NEMP2: variants seen among roughly 807,000 people sequenced by gnomAD.
NEMP2 encodes UPF0571 transmembrane protein.
In NEMP2, 53 loss-of-function variants were observed where a neutral mutation model predicts 54.2. That is an observed-to-expected ratio of 0.98 (90% CI 0.78 to 1.23). NEMP2 has a LOEUF of 1.23. Ranked by LOEUF, NEMP2 falls within the 50% of genes most tolerant of loss-of-function variation. NEMP2 has a pLI of 0.00. For missense variants in NEMP2, 455 were observed against 511.3 expected (o/e 0.89, Z 1.06); for synonymous variants, 197 against 190.3 (o/e 1.04, Z -0.29).
chr2:190,449,902 A>G, the NEMP2 span, among the ~76,000 whole-genome samples: 1 of 152,184 alleles, frequency 6.6e-6, no homozygotes, highest in Admixed American at 6.6e-5. Flanking sequence ...TTTAGGAGAT[A>G]TACCTAATGC....
the NEMP2 span, among the ~76,000 whole-genome samples, chr2:190,450,042 AAAAG>A: frequency 3.9e-4 from 59 of 152,140 alleles, no homozygotes; most frequent in African/African-American, 6.3e-4. Flanking sequence ...AAAAAAAAGA[AAAAG>A]AAATCAAGAT....
chr2:190,645,279 T>C, the NEMP2 span, among the ~76,000 whole-genome samples: 1 of 152,194 alleles, frequency 6.6e-6, no homozygotes, highest in Non-Finnish European at 1.5e-5. Flanking sequence ...TTGATATATT[T>C]CTCATACCAC....
At chr2:190,603,564 G>A in the NEMP2 span, among the ~76,000 whole-genome samples, 1 of 146,794 alleles carries the variant, frequency 6.8e-6, no homozygotes, top group Non-Finnish European at 1.5e-5. Flanking sequence ...TCCTACTCCT[G>A]GGGCAGTGTC....
At chr2:190,500,301 C>G, downstream of NEMP2, 1 of 1,464,420 alleles carries the variant, frequency 6.8e-7, no homozygotes, top group Non-Finnish European at 9.4e-7. This position sits in a 1 kb window ranked among gnomAD's most constrained non-coding sequence, Gnocchi z 5.3. Flanking sequence ...CCAGGATATG[C>G]CTCCCCTGGA....
chr2:190,565,275 A>G, the NEMP2 span, among the ~76,000 whole-genome samples: 1 of 152,224 alleles, frequency 6.6e-6, no homozygotes, highest in African/African-American at 2.4e-5. Context: ...GCAAGTCTGC[A>G]CTGGGAATGG....
the NEMP2 span, among the ~76,000 whole-genome samples, chr2:190,597,760 T>C: frequency 5.3e-5 from 8 of 152,148 alleles, no homozygotes; most frequent in Non-Finnish European, 7.4e-5. The surrounding 1 kb of genome is among the most constrained non-coding windows in gnomAD (Gnocchi z 4.7). Flanking sequence ...AGAACTTTTA[T>C]TTGAGGAGAT....
chr2:190,609,748 G>A, the NEMP2 span: 1 of 152,172 alleles, frequency 6.6e-6, no homozygotes, highest in Non-Finnish European at 1.5e-5. This position sits in a 1 kb window ranked among gnomAD's most constrained non-coding sequence, Gnocchi z 4.7. Flanking sequence ...TTTATCACAA[G>A]ATCATAGGGA....
chr2:190,556,890 G>A, the NEMP2 span, among the ~76,000 whole-genome samples: 1 of 152,132 alleles, frequency 6.6e-6, no homozygotes, highest in African/African-American at 2.4e-5. Context: ...CATGAAAATG[G>A]CCATACTGCC....
downstream of NEMP2, among the ~76,000 whole-genome samples, chr2:190,503,397 CT>C (rs1690100351): frequency 6.6e-6 from 1 of 152,166 alleles, no homozygotes; most frequent in African/African-American, 2.4e-5. The surrounding 1 kb of genome is among the most constrained non-coding windows in gnomAD (Gnocchi z 6.3). Flanking sequence ...TATTAAACAA[CT>C]GACATGTGGC....
chr2:190,499,093 A>G, the NEMP2 span, among the ~76,000 whole-genome samples: 1 of 152,242 alleles, frequency 6.6e-6, no homozygotes, highest in Non-Finnish European at 1.5e-5. The surrounding 1 kb of genome is among the most constrained non-coding windows in gnomAD (Gnocchi z 6.0). Context: ...GGTTGCAGTG[A>G]GCCAAGGTCA....
chr2:190,451,682 T>C, the NEMP2 span, among the ~76,000 whole-genome samples: 1 of 152,208 alleles, frequency 6.6e-6, no homozygotes, highest in East Asian at 1.9e-4. This position sits in a 1 kb window ranked among gnomAD's most constrained non-coding sequence, Gnocchi z 5.0. Flanking sequence ...AGCAGAGTCC[T>C]GAATGGAAGC....
At chr2:190,618,631 G>A in the NEMP2 span, among the ~76,000 whole-genome samples, 3 of 152,306 alleles carry the variant, frequency 2.0e-5, no homozygotes, top group African/African-American at 4.8e-5. Context: ...TCAGGCCAGA[G>A]TACAGTGGCA....
At chr2:190,422,984 A>G in the NEMP2 span, among the ~76,000 whole-genome samples, 1 of 152,176 alleles carries the variant, frequency 6.6e-6, no homozygotes, top group Non-Finnish European at 1.5e-5. Context: ...GCCCTAGATA[A>G]GAAAATACAT....
At chr2:190,422,190 C>T in the NEMP2 span, among the ~76,000 whole-genome samples, 3 of 152,282 alleles carry the variant, frequency 2.0e-5, no homozygotes, top group East Asian at 5.8e-4. Flanking sequence ...AATGTTTCAC[C>T]AGCCATCTAA....
the NEMP2 span, among the ~76,000 whole-genome samples, chr2:190,622,825 T>C: frequency 6.6e-6 from 1 of 151,962 alleles, no homozygotes; most frequent in African/African-American, 2.4e-5. Context: ...AACATAATAC[T>C]GGAAGTCCTA....
the NEMP2 span, among the ~76,000 whole-genome samples, chr2:190,549,485 C>G: frequency 6.6e-6 from 1 of 152,172 alleles, no homozygotes; most frequent in South Asian, 2.1e-4. Flanking sequence ...TTCTTTTCCC[C>G]TAATTTACCA....
In NEMP2 at chr2:190,521,954, T is replaced by C. The variant is rs1416208434; in HGVS notation, c.214-2771A>G. ...TCTTCTCCATCTAAACTCACTCAGT[T>C]TCATGGCTTTAGGCACCATCTATAT... On this transcript the variant is annotated intron_variant, in intron 2 of 8. Coordinates refer to ENST00000409150, the MANE Select transcript of NEMP2 (RefSeq NM_001142645.2). The surrounding 1 kb of genome is among the most constrained non-coding windows in gnomAD (Gnocchi z 6.2). Among the ~76,000 whole-genome samples the C allele has an allele frequency of 6.6e-6, 1 of 152,132 alleles. No individual in the cohort carries two copies. The highest frequency in any genetic ancestry group is 1.5e-5 in the Non-Finnish European group (1 of 68,006).
In NEMP2 at chr2:190,510,707, C is replaced by T. The variant is rs996597496; in HGVS notation, c.954-170G>A. Among the ~76,000 whole-genome samples, 1 of 152,034 alleles carries T rather than the reference C, an allele frequency of 6.6e-6. No individual in the cohort carries two copies. The highest frequency in any genetic ancestry group is 6.6e-5 in the Admixed American group (1 of 15,258). On this transcript the variant is annotated intron_variant, in intron 7 of 8. Coordinates refer to ENST00000409150, the MANE Select transcript of NEMP2 (RefSeq NM_001142645.2). This position sits in a 1 kb window ranked among gnomAD's most constrained non-coding sequence, Gnocchi z 5.7. Reference sequence around the variant, plus strand: ...CGGTCCTGGCTAACAAGGTGAAACACTGTCTCTACTAAAAATATAAAAAAT... The same window carrying T: ...CGGTCCTGGCTAACAAGGTGAAACATTGTCTCTACTAAAAATATAAAAAAT...
chr2:190,437,146 A>T, the NEMP2 span: 1 of 1,614,256 alleles, frequency 6.2e-7, no homozygotes, highest in Non-Finnish European at 8.5e-7. This position sits in a 1 kb window ranked among gnomAD's most constrained non-coding sequence, Gnocchi z 5.9. Context: ...GATCGTCTTC[A>T]TCGTCTTCGG....
Sources: allele counts gnomAD v4.1 joint callset (sites outside exome capture counted in the v4.1 genomes callset), GRCh38; gene constraint gnomAD v4.1.1; non-coding constraint Gnocchi (gnomAD v3.1); transcripts MANE v1.5; gene names NCBI Gene and HGNC (gene_info 2026-07-23, HGNC 2026-07-21).